Variants in BLTP1 observed in about 807,000 individuals in gnomAD.
BLTP1 encodes fragile site-associated protein.
the BLTP1 span, among the ~76,000 whole-genome samples, chr4:122,273,021 C>A: frequency 6.6e-6 from 1 of 151,900 alleles, no homozygotes; most frequent in Admixed American, 6.6e-5. Flanking sequence ...AATAAAAAAG[C>A]AAATGTTTCT....
chr4:122,286,004 C>T, the BLTP1 span, among the ~76,000 whole-genome samples: 3 of 151,978 alleles, frequency 2.0e-5, no homozygotes, highest in African/African-American at 4.8e-5. Context: ...GATATATGGT[C>T]CCATGAATAA....
chr4:122,239,337 G>T, the BLTP1 span: 18 of 208,724 alleles, frequency 8.6e-5, no homozygotes, highest in Non-Finnish European at 1.3e-4. Flanking sequence ...ACTAATGGGG[G>T]ATGTGAACAC....
At chr4:122,232,753 A>C in the BLTP1 span, among the ~76,000 whole-genome samples, 4 of 152,186 alleles carry the variant, frequency 2.6e-5, no homozygotes, top group Admixed American at 2.0e-4. Flanking sequence ...CCAGAGAGAA[A>C]GATTACCTCA....
At chr4:122,210,039 A>G in the BLTP1 span, 1 of 1,384,686 alleles carries the variant, frequency 7.2e-7, no homozygotes, top group South Asian at 1.6e-5. Context: ...TAGTATAAAT[A>G]TAGTCTTACA....
At chr4:122,344,785 A>G in the BLTP1 span, 1 of 983,934 alleles carries the variant, frequency 1.0e-6, no homozygotes, top group Non-Finnish European at 1.2e-6. Flanking sequence ...AGGGCCAAGT[A>G]TGCCTAATTA....
chr4:122,321,542 T>C, the BLTP1 span, among the ~76,000 whole-genome samples: 3 of 152,090 alleles, frequency 2.0e-5, no homozygotes, highest in African/African-American at 7.2e-5. Context: ...TGTGTGTGTA[T>C]ATATACACAC....
At chr4:122,335,421 G>A in the BLTP1 span, among the ~76,000 whole-genome samples, 26 of 152,110 alleles carry the variant, frequency 1.7e-4, no homozygotes, top group East Asian at 4.3e-3. Flanking sequence ...GAATGATACC[G>A]TACATACATG....
At chr4:122,207,192 T>G in the BLTP1 span, 3 of 1,612,160 alleles carry the variant, frequency 1.9e-6, no homozygotes, top group South Asian at 3.3e-5. Flanking sequence ...AAATCATGTT[T>G]CATCAGTTTG....
At chr4:122,352,059 C>T in the BLTP1 span, among the ~76,000 whole-genome samples, 2 of 152,120 alleles carry the variant, frequency 1.3e-5, no homozygotes, top group Admixed American at 6.6e-5. Context: ...GCTTAAGAGT[C>T]GGCATTTCTC....
chr4:122,280,241 G>T, the BLTP1 span: 1 of 961,414 alleles, frequency 1.0e-6, no homozygotes, highest in East Asian at 1.1e-4. Flanking sequence ...AGATTTGTGG[G>T]TATTGTAAGA....
chr4:122,289,545 A>T, the BLTP1 span: 1 of 984,372 alleles, frequency 1.0e-6, no homozygotes, highest in African/African-American at 1.7e-5. Context: ...ATACCAGATG[A>T]TGGCTATATG....
At chr4:122,207,622 C>T in the BLTP1 span, 1 of 1,594,960 alleles carries the variant, frequency 6.3e-7, no homozygotes, top group Non-Finnish European at 8.6e-7. Context: ...ACATGTAATA[C>T]CAAGTTCTCT....
the BLTP1 span, chr4:122,325,266 C>T: frequency 6.2e-7 from 1 of 1,609,238 alleles, no homozygotes; most frequent in East Asian, 2.2e-5. Context: ...TCCCAGAAAT[C>T]CGTGTGGATG....
At chr4:122,349,045 T>C in the BLTP1 span, 2 of 839,310 alleles carry the variant, frequency 2.4e-6, no homozygotes, top group South Asian at 2.6e-5. This position sits in a 1 kb window ranked among gnomAD's most constrained non-coding sequence, Gnocchi z 4.5. Context: ...TGTTGTTTCA[T>C]TGTCAAACTT....
chr4:122,352,946 A>C, the BLTP1 span: 1 of 1,613,880 alleles, frequency 6.2e-7, no homozygotes, highest in Non-Finnish European at 8.5e-7. Context: ...GGAGTATTGA[A>C]GGTGGTATCA....
chr4:122,337,998 A>C, the BLTP1 span, among the ~76,000 whole-genome samples: 1 of 152,060 alleles, frequency 6.6e-6, no homozygotes, highest in South Asian at 2.1e-4. Context: ...ATTAAAATCT[A>C]ATAATCTTAA....
the BLTP1 span, among the ~76,000 whole-genome samples, chr4:122,175,473 T>G: frequency 6.6e-6 from 1 of 152,204 alleles, no homozygotes; most frequent in African/African-American, 2.4e-5. Flanking sequence ...CCTGTAGAAC[T>G]AGGTATCTGT....
the BLTP1 span, chr4:122,362,105 A>G: frequency 6.2e-7 from 1 of 1,613,472 alleles, no homozygotes; most frequent in Non-Finnish European, 8.5e-7. Context: ...GGCTTTCATC[A>G]TGCTAGGACT....
At chr4:122,275,681 GC>G in the BLTP1 span, among the ~76,000 whole-genome samples, 8 of 151,888 alleles carry the variant, frequency 5.3e-5, no homozygotes, top group African/African-American at 1.7e-4. Flanking sequence ...GATATTTCTT[GC>G]TCTTTTTTCC....
Sources: gnomAD v4.1 joint callset for allele counts (sites outside exome capture counted in the v4.1 genomes callset) on GRCh38, gnomAD v4.1.1 for gene constraint, Gnocchi (gnomAD v3.1) non-coding constraint, MANE v1.5 for transcripts, NCBI Gene and HGNC (gene_info 2026-07-23, HGNC 2026-07-21) for gene names.